ANO10: variants seen among roughly 807,000 people sequenced by gnomAD.
The protein encoded by ANO10 is anoctamin 10.
ANO10 carries 77 observed loss-of-function variants against 74.7 expected under a neutral mutation model. The observed-to-expected ratio is 1.03, with a 90% CI of 0.86 to 1.25. ANO10 has a LOEUF of 1.25. ANO10 is among the 50% of genes most tolerant of loss of function. ANO10 has a pLI of 0.00. For synonymous variants in ANO10, 279 were observed against 284.9 expected, an observed-to-expected ratio of 0.98 and a Z score of 0.21; for missense variants, 721 against 778.1, an observed-to-expected ratio of 0.93 and a Z score of 0.87.
At chr3:43,456,884 A>AT (rs1007097748) in intron 11 of ANO10, among the ~76,000 whole-genome samples, 16 of 152,222 alleles carry the variant, frequency 1.1e-4, no homozygotes, top group South Asian at 2.1e-4. Flanking sequence ...GTAAGTACGG[A>AT]TTTTTCATAC....
Position 43,663,412 on chromosome 3 carries a change from T to C in ANO10, c.-12+28105A>G, listed in dbSNP as rs567649311. Among the ~76,000 whole-genome samples, 12 of 152,312 alleles carry C rather than the reference T, an allele frequency of 7.9e-5. No homozygotes were observed. In the South Asian group the frequency reaches 2.3e-3, roughly 29 times the overall value. ...ATCTCAACATAATAAGAGCTAATTATGACAAACCCACAGCCAATATCATAC... is the reference window on the plus strand; with the variant it reads ...ATCTCAACATAATAAGAGCTAATTACGACAAACCCACAGCCAATATCATAC... On this transcript the variant is annotated intron_variant, in intron 1 of 3. Coordinates refer to the ANO10 transcript ENST00000413397.
intron 1 of ANO10, chr3:43,690,928 G>C (rs186175534): frequency 4.4e-4 from 661 of 1,514,408 alleles, no homozygotes; most frequent in African/African-American, 3.4e-3. Flanking sequence ...GCGCCAGCCC[G>C]GGGCGGCCCA....
chr3:43,377,919 G>A (rs2091855561), intron 12 of ANO10, among the ~76,000 whole-genome samples: 1 of 152,224 alleles, frequency 6.6e-6, no homozygotes. Context: ...GAACTGGGGT[G>A]GCACAGTGGT....
chr3:43,376,341 G>A (rs2091806466), intron 12 of ANO10, among the ~76,000 whole-genome samples: 1 of 152,188 alleles, frequency 6.6e-6, no homozygotes, highest in South Asian at 2.1e-4. Flanking sequence ...AGAACAGTGG[G>A]CTGGGGGTGT....
chr3:43,602,936 G>A (rs1419060062), intron 2 of ANO10, among the ~76,000 whole-genome samples: 1 of 152,108 alleles, frequency 6.6e-6, no homozygotes, highest in African/African-American at 2.4e-5. Flanking sequence ...TTTAAGCATT[G>A]AAGATGAGGA....
intron 12 of ANO10, among the ~76,000 whole-genome samples, chr3:43,419,877 A>G (rs1456033192): frequency 6.6e-6 from 1 of 152,284 alleles, no homozygotes; most frequent in East Asian, 1.9e-4. Flanking sequence ...CTATATTACT[A>G]TTTATGTTCT....
At chr3:43,685,096 T>A (rs2084258282) in intron 1 of ANO10, among the ~76,000 whole-genome samples, 1 of 152,152 alleles carries the variant, frequency 6.6e-6, no homozygotes, top group African/African-American at 2.4e-5. Flanking sequence ...AGAAAAAAAA[T>A]AAAGATTGTT....
chr3:43,568,937 A>G (rs1488065301), intron 7 of ANO10, among the ~76,000 whole-genome samples: 1 of 147,796 alleles, frequency 6.8e-6, no homozygotes, highest in Non-Finnish European at 1.5e-5. Flanking sequence ...ATAGACCGCT[A>G]GCAAGACTAA....
chr3:43,672,078 C>G (rs2084065895), intron 1 of ANO10, among the ~76,000 whole-genome samples: 1 of 152,240 alleles, frequency 6.6e-6, no homozygotes, highest in Admixed American at 6.5e-5. Context: ...CTTCCTGTTG[C>G]ATGACTGCTG....
chr3:43,574,762 A>G, intron 7 of ANO10, 47 bp downstream of exon 7: 1 of 1,374,628 alleles, frequency 7.3e-7, no homozygotes, highest in Non-Finnish European at 1.0e-6. Context: ...ATTATGTAGT[A>G]TATACCAGTT....
intron 11 of ANO10, among the ~76,000 whole-genome samples, chr3:43,445,667 A>G (rs1392535834): frequency 1.3e-5 from 2 of 152,090 alleles, no homozygotes; most frequent in African/African-American, 4.8e-5. Flanking sequence ...TACATTAGAA[A>G]TATCATTGCC....
chr3:43,396,664 CT>C (rs915319040), intron 12 of ANO10, among the ~76,000 whole-genome samples: 2 of 151,526 alleles, frequency 1.3e-5, no homozygotes, highest in African/African-American at 4.9e-5. Context: ...ATTGTTTTTT[CT>C]TTTTTTTCCC....
chr3:43,543,818 TG>T (rs542623354), intron 11 of ANO10, among the ~76,000 whole-genome samples: 86 of 152,338 alleles, frequency 5.6e-4, no homozygotes, highest in African/African-American at 1.9e-3. Flanking sequence ...CAGGCAGGCT[TG>T]GTGGTCACCA....
intron 4 of ANO10, among the ~76,000 whole-genome samples, chr3:43,591,308 G>A (rs2081741234): frequency 6.6e-6 from 1 of 152,132 alleles, no homozygotes; most frequent in African/African-American, 2.4e-5. Context: ...TCCCAATTGG[G>A]CTAGAAGCTC....
rs368563567 is a variant in ANO10, at chr3:43,495,945, A to C, written c.1797+53775T>G. ...CTCGATCTCCTGACCTCATGATCTG[A>C]CCACCTTGGCCTCCCAAAGTGCTGG... On this transcript the variant is annotated intron_variant, in intron 11 of 12. Transcript: ENST00000292246. Among the ~76,000 whole-genome samples the C allele has an allele frequency of 1.8e-4, 28 of 151,966 alleles. 1 individual carries two copies. Among genetic ancestry groups the C allele is most frequent in the East Asian group, 7.8e-4 (4 of 5,138 alleles).
chr3:43,472,828 G>T (rs960871617), intron 11 of ANO10, among the ~76,000 whole-genome samples: 1 of 152,198 alleles, frequency 6.6e-6, no homozygotes, highest in Admixed American at 6.5e-5. Context: ...ATTCTTAGGA[G>T]ATGTATGCTG....
intron 12 of ANO10, among the ~76,000 whole-genome samples, chr3:43,399,940 C>G (rs1023436695): frequency 6.6e-6 from 1 of 152,048 alleles, no homozygotes; most frequent in Non-Finnish European, 1.5e-5. Flanking sequence ...AATGAACTGC[C>G]CAGGTGCTGG....
chr3:43,594,843 C>A (rs1462931496), intron 4 of ANO10, among the ~76,000 whole-genome samples: 2 of 151,818 alleles, frequency 1.3e-5, no homozygotes, highest in South Asian at 2.1e-4. Context: ...TTGAAAAGAT[C>A]AACAAAATTG....
chr3:43,485,632 A>T, intron 11 of ANO10: 1 of 197,418 alleles, frequency 5.1e-6, no homozygotes. Context: ...CCCCAGTAAC[A>T]TTAGCGCAGC....
Sources: gnomAD v4.1 joint callset for allele counts (sites outside exome capture counted in the v4.1 genomes callset) on GRCh38, gnomAD v4.1.1 for gene constraint, MANE v1.5 for transcripts, NCBI Gene and HGNC (gene_info 2026-07-23, HGNC 2026-07-21) for gene names.